Variants in TOX observed in about 807,000 individuals in gnomAD.
The protein encoded by TOX is thymocyte selection-associated high mobility group box protein TOX.
Under a neutral mutation model 53.7 loss-of-function variants are expected in TOX, and 11 were observed. The observed-to-expected ratio is 0.20, with a 90% CI of 0.13 to 0.34. TOX has a LOEUF of 0.34. TOX is among the 10% of genes least tolerant of loss of function. TOX has a pLI of 1.00. For missense variants in TOX, 570 were observed against 664.6 expected, an observed-to-expected ratio of 0.86 and a Z score of 1.56; for synonymous variants, 225 against 245.3, an observed-to-expected ratio of 0.92 and a Z score of 0.77.
intron 4 of TOX, among the ~76,000 whole-genome samples, chr8:58,840,737 C>T (rs888996812): frequency 1.3e-5 from 2 of 152,336 alleles, no homozygotes; most frequent in East Asian, 3.9e-4. Flanking sequence ...AAGTGGTTGG[C>T]TGTGCTGGCC....
chr8:58,968,314 A>G (rs907978261), intron 1 of TOX, among the ~76,000 whole-genome samples: 9 of 152,230 alleles, frequency 5.9e-5, no homozygotes, highest in African/African-American at 1.7e-4. Context: ...TGAGGAGCAA[A>G]GACTTCGGCT....
intron 7 of TOX, 24 bp downstream of exon 7, chr8:58,815,314 T>C: frequency 6.4e-7 from 1 of 1,567,804 alleles, no homozygotes; most frequent in Non-Finnish European, 8.7e-7. Context: ...GTGCACACTC[T>C]AAGTCCAGAG....
At chr8:58,844,458 T>C (rs982266642) in intron 4 of TOX, among the ~76,000 whole-genome samples, 6 of 152,136 alleles carry the variant, frequency 3.9e-5, no homozygotes, top group Admixed American at 1.3e-4. Flanking sequence ...TCATAATCTT[T>C]AGAATATGGA....
intron 1 of TOX, among the ~76,000 whole-genome samples, chr8:59,013,289 T>C (rs547308968): frequency 3.3e-5 from 5 of 152,340 alleles, no homozygotes; most frequent in African/African-American, 1.2e-4. Flanking sequence ...ACACCTACGC[T>C]GTCATCAATA....
At chr8:58,893,967 T>G (rs1240509523) in intron 3 of TOX, among the ~76,000 whole-genome samples, 1 of 152,202 alleles carries the variant, frequency 6.6e-6, no homozygotes, top group Admixed American at 6.5e-5. Flanking sequence ...GATGTATTAT[T>G]GTTAGGTAAG....
chr8:59,114,547 C>T (rs933907610), intron 1 of TOX, among the ~76,000 whole-genome samples: 6 of 152,260 alleles, frequency 3.9e-5, no homozygotes, highest in African/African-American at 1.4e-4. Context: ...TGATAAAACT[C>T]CCAGGGGAAT....
intron 2 of TOX, among the ~76,000 whole-genome samples, chr8:58,953,977 GA>G (rs1812669072): frequency 6.6e-6 from 1 of 151,990 alleles, no homozygotes; most frequent in South Asian, 2.1e-4. Context: ...AACAAATAGA[GA>G]GTCATTAATT....
intron 1 of TOX, among the ~76,000 whole-genome samples, chr8:59,007,613 T>C (rs1813815864): frequency 6.6e-6 from 1 of 152,226 alleles, no homozygotes; most frequent in African/African-American, 2.4e-5. Flanking sequence ...GGAAATCTAT[T>C]GTTGAATCAA....
At chr8:58,965,577 T>C (rs1812878912) in intron 1 of TOX, among the ~76,000 whole-genome samples, 1 of 152,090 alleles carries the variant, frequency 6.6e-6, no homozygotes, top group Non-Finnish European at 1.5e-5. Context: ...AATGGGAACA[T>C]TTTAGGGAAA....
chr8:58,908,360 C>T (rs893831543), intron 3 of TOX, among the ~76,000 whole-genome samples: 9 of 152,144 alleles, frequency 5.9e-5, no homozygotes, highest in Admixed American at 3.3e-4. Context: ...ACTGTCTGAA[C>T]GCCTTTCCTG....
intron 1 of TOX, among the ~76,000 whole-genome samples, chr8:59,103,275 A>G (rs1051535061): frequency 1.3e-5 from 2 of 152,204 alleles, no homozygotes; most frequent in Non-Finnish European, 2.9e-5. Context: ...GAAACAAATC[A>G]TTCCATTCTC....
At chr8:58,968,175 T>G (rs999292067) in intron 1 of TOX, among the ~76,000 whole-genome samples, 4 of 152,188 alleles carry the variant, frequency 2.6e-5, no homozygotes, top group African/African-American at 9.6e-5. Flanking sequence ...ATATATTGTT[T>G]AAGAAAAGAA....
At chr8:58,934,915 G>A (rs994606052) in intron 3 of TOX, among the ~76,000 whole-genome samples, 3 of 152,324 alleles carry the variant, frequency 2.0e-5, no homozygotes, top group African/African-American at 7.2e-5. Context: ...GGAAGCTGGA[G>A]TAATTACTGA....
intron 1 of TOX, among the ~76,000 whole-genome samples, chr8:58,965,913 T>TG (rs1812889836): frequency 6.9e-6 from 1 of 145,364 alleles, no homozygotes; most frequent in Non-Finnish European, 1.5e-5. Flanking sequence ...TTTTTTTTTT[T>TG]TTTTTTTTTT....
At chr8:58,946,696 T>C (rs1812528038) in intron 2 of TOX, among the ~76,000 whole-genome samples, 2 of 152,352 alleles carry the variant, frequency 1.3e-5, no homozygotes, top group African/African-American at 4.8e-5. Context: ...ATGACATTTA[T>C]TTGTGCTCAT....
At chr8:59,105,922 A>G (rs1362525382) in intron 1 of TOX, among the ~76,000 whole-genome samples, 1 of 152,166 alleles carries the variant, frequency 6.6e-6, no homozygotes, top group African/African-American at 2.4e-5. Flanking sequence ...TACCTTACAA[A>G]GTAAGTTTCA....
intron 1 of TOX, among the ~76,000 whole-genome samples, chr8:59,038,217 T>C (rs1803508747): frequency 6.6e-6 from 1 of 152,210 alleles, no homozygotes; most frequent in South Asian, 2.1e-4. Flanking sequence ...ACAGTTAACA[T>C]ATCATTTTTC....
chr8:58,944,431 G>A (rs562060868), intron 2 of TOX, among the ~76,000 whole-genome samples: 5 of 152,284 alleles, frequency 3.3e-5, no homozygotes, highest in African/African-American at 1.2e-4. Flanking sequence ...TTAAAATTTG[G>A]TAATCGCACA....
At chr8:58,909,640 T>A (rs1317996417) in intron 3 of TOX, among the ~76,000 whole-genome samples, 1 of 151,748 alleles carries the variant, frequency 6.6e-6, no homozygotes, top group Admixed American at 6.6e-5. Context: ...ACTGAATATG[T>A]CTCTTAATTC....
Sources: allele counts gnomAD v4.1 joint callset (sites outside exome capture counted in the v4.1 genomes callset), GRCh38; gene constraint gnomAD v4.1.1; transcripts MANE v1.5; gene names NCBI Gene and HGNC (gene_info 2026-07-23, HGNC 2026-07-21).